The following TMEM116 variants were observed in gnomAD, a reference collection of about 807,000 sequenced individuals.
The protein encoded by TMEM116 is transmembrane protein 116.
TMEM116 carries 38 observed loss-of-function variants against 44.3 expected under a neutral mutation model. That is an observed-to-expected ratio of 0.86 (90% CI 0.66 to 1.12). TMEM116 has a LOEUF of 1.12. Ranked by LOEUF, TMEM116 falls within the 50% of genes most tolerant of loss-of-function variation. The pLI, the probability that TMEM116 is intolerant of heterozygous loss-of-function variation, is 0.00. For synonymous variants in TMEM116, 132 were observed against 144.8 expected, an observed-to-expected ratio of 0.91 and a Z score of 0.64; for missense variants, 354 against 401.7, an observed-to-expected ratio of 0.88 and a Z score of 1.01.
chr12:111,950,598 A>G (rs1035734035), intron 4 of TMEM116, among the ~76,000 whole-genome samples: 1 of 152,200 alleles, frequency 6.6e-6, no homozygotes, highest in African/African-American at 2.4e-5. Context: ...TCCCTATTCA[A>G]TAAATGGTGC....
intron 3 of TMEM116, among the ~76,000 whole-genome samples, chr12:111,994,693 A>G (rs1376018991): frequency 1.3e-5 from 2 of 152,196 alleles, no homozygotes; most frequent in Non-Finnish European, 2.9e-5. Flanking sequence ...TAAAACAGAA[A>G]CACAGTCTAT....
intron 4 of TMEM116, among the ~76,000 whole-genome samples, chr12:111,958,335 C>T (rs371178858): frequency 1.4e-5 from 2 of 143,236 alleles, no homozygotes; most frequent in Admixed American, 1.4e-4. Context: ...AGACCCCATC[C>T]GAAGGTCACC....
In TMEM116 at chr12:111,931,490, G is replaced by A. The variant is rs1565856564; in HGVS notation, c.*131C>T. The A allele has an allele frequency of 1.3e-6, 1 of 787,754 alleles. No individual in the cohort carries two copies. The allele number at this position is 787,754 out of a possible 1,614,324, so 48.8% of individuals were successfully genotyped here. A position where few individuals can be genotyped will look rare whatever the true frequency, so the allele number is the denominator to read the frequency against. Reference sequence around the variant, plus strand: ...TCATCTAGAATGACTACTAACAATGGCACTATATTTCCTTTGAGTTCTGCA... The same window carrying A: ...TCATCTAGAATGACTACTAACAATGACACTATATTTCCTTTGAGTTCTGCA... On this transcript the variant is annotated 3_prime_UTR_variant, in exon 11 of 11. Coordinates refer to ENST00000552374, the MANE Select transcript of TMEM116 (RefSeq NM_001193531.2).
intron 3 of TMEM116, chr12:112,003,583 A>AT: frequency 2.0e-6 from 1 of 501,312 alleles, no homozygotes; most frequent in Non-Finnish European, 3.2e-6. Flanking sequence ...AAAAAAAAAA[A>AT]TAGTTAATCT....
intron 3 of TMEM116, among the ~76,000 whole-genome samples, chr12:111,999,132 T>G (rs2077090828): frequency 6.6e-6 from 1 of 151,488 alleles, no homozygotes; most frequent in African/African-American, 2.4e-5. Context: ...TGCCTGGTAA[T>G]AAAGAAAACC....
intron 4 of TMEM116, among the ~76,000 whole-genome samples, chr12:111,969,884 AT>A (rs1020836452): frequency 2.4e-4 from 37 of 152,074 alleles, no homozygotes; most frequent in African/African-American, 8.9e-4. Context: ...CTGGCCTGAG[AT>A]TTTTTTTAAA....
At position 111,940,538 on chromosome 12, in the gene TMEM116, T is replaced by C. The variant is rs867816702; in HGVS notation, c.316-2328A>G. 9.2e-5 allele frequency among the ~76,000 whole-genome samples: 11 copies of C among 119,694 alleles called. No individual in the cohort carries two copies. In the South Asian group the frequency reaches 2.1e-3, roughly 22 times the overall value. 78.5% of individuals were successfully genotyped at this position (119,694 alleles called of 152,430 possible). ...ATATATATGTGTATATATATATATA[T>C]ATATATACACACACACATATATATG... On this transcript the variant is annotated intron_variant, in intron 5 of 10. Transcript: ENST00000552374.
intron 4 of TMEM116, among the ~76,000 whole-genome samples, chr12:111,976,366 A>T (rs560063311): frequency 6.6e-4 from 100 of 151,782 alleles, no homozygotes; most frequent in Non-Finnish European, 9.6e-4. Context: ...TCCTGGTCAT[A>T]TAAACATAAA....
rs911519021 is a variant in TMEM116 at position 111,943,139 on chromosome 12, G to A, written c.315+126C>T. The A allele has an allele frequency of 1.0e-4, 76 of 742,304 alleles. 1 individual carries two copies. Among genetic ancestry groups the A allele is most frequent in the Non-Finnish European group, 1.4e-5 (6 of 430,310 alleles). The allele number at this position is 742,304 out of a possible 1,614,324, so 46.0% of individuals were successfully genotyped here. On this transcript the variant is annotated intron_variant, in intron 5 of 10. Coordinates refer to ENST00000552374, the MANE Select transcript of TMEM116 (RefSeq NM_001193531.2). The stretch of plus-strand genomic sequence containing the variant: ...GGGCTTTCACCACTTGCCCAGACTG[G>A]CCTCGAATTCCTGGGCATAAGCAAT...
At chr12:111,980,402 CA>C (rs2075874686) in intron 4 of TMEM116, among the ~76,000 whole-genome samples, 1 of 151,624 alleles carries the variant, frequency 6.6e-6, no homozygotes, top group South Asian at 2.1e-4. Context: ...AATGAGTTGC[CA>C]AGGAAAGGAA....
At chr12:111,946,742 C>T (rs1481190493) in intron 4 of TMEM116, among the ~76,000 whole-genome samples, 1 of 152,206 alleles carries the variant, frequency 6.6e-6, no homozygotes, top group African/African-American at 2.4e-5. Flanking sequence ...TCCTATAAAA[C>T]TGTGTACACT....
At chr12:111,983,373 C>CGGAG (rs2076054328) in intron 4 of TMEM116, among the ~76,000 whole-genome samples, 1 of 151,476 alleles carries the variant, frequency 6.6e-6, no homozygotes, top group Non-Finnish European at 1.5e-5. Context: ...GAGGCGGAGG[C>CGGAG]GGAGGTTGCA....
chr12:111,950,469 T>TAAA (rs34167575), intron 4 of TMEM116, among the ~76,000 whole-genome samples: 1 of 124,606 alleles, frequency 8.0e-6, no homozygotes, highest in Admixed American at 8.3e-5. Flanking sequence ...GATCTGATCT[T>TAAA]AAAAAAAAAA....
chr12:111,952,822 C>T (rs2073830279), intron 4 of TMEM116, among the ~76,000 whole-genome samples: 1 of 152,176 alleles, frequency 6.6e-6, no homozygotes, highest in Non-Finnish European at 1.5e-5. Flanking sequence ...TATTGTGGGA[C>T]TTTGTGATCA....
chr12:111,998,520 A>C (rs1960303307), intron 3 of TMEM116, among the ~76,000 whole-genome samples: 2 of 152,226 alleles, frequency 1.3e-5, no homozygotes, highest in Admixed American at 6.5e-5. Flanking sequence ...CATTAATTCA[A>C]GAAATAGCCC....
At chr12:111,957,051 C>A (rs2074164175) in intron 4 of TMEM116, among the ~76,000 whole-genome samples, 1 of 151,872 alleles carries the variant, frequency 6.6e-6, no homozygotes, top group Non-Finnish European at 1.5e-5. Context: ...GGCCACCACC[C>A]CGTCTAGGAA....
rs528105137 is a variant in TMEM116 at position 111,964,042 on chromosome 12, G to GT, written c.211-20674dup. Among the ~76,000 whole-genome samples the GT allele has an allele frequency of 3.2e-4, 45 of 140,830 alleles. 1 individual carries two copies. The highest frequency in any genetic ancestry group is 5.0e-4 in the Admixed American group (7 of 13,862). 92.4% of individuals were successfully genotyped at this position (140,830 alleles called of 152,430 possible). A position where few individuals can be genotyped will look rare whatever the true frequency, so the allele number is the denominator to read the frequency against. On this transcript the variant is annotated intron_variant, in intron 4 of 10. Transcript: ENST00000552374. ...ACTCGGCAACATTAAAACAACTCCCGTTTTTTTTTTCTTTTTAGTTTTTCT... is the reference window on the plus strand; with the variant it reads ...ACTCGGCAACATTAAAACAACTCCCGTTTTTTTTTTTCTTTTTAGTTTTTCT...
At chr12:111,987,354 A>G (rs1043711523) in intron 4 of TMEM116, among the ~76,000 whole-genome samples, 1 of 152,014 alleles carries the variant, frequency 6.6e-6, no homozygotes, top group Non-Finnish European at 1.5e-5. Context: ...AAACTACAAA[A>G]ATTAGCCAGG....
Position 111,991,812 on chromosome 12 carries a change from TC to T in TMEM116, c.155del (p.Gly52GlufsTer4), listed in dbSNP as rs1459802746. 2.4e-5 allele frequency: 37 copies of T among 1,535,816 alleles called. No individual in the cohort carries two copies. The highest frequency in any genetic ancestry group is 2.5e-5 in the Non-Finnish European group (29 of 1,146,698). ...TGATGTCCTTATTTGCTACTGAAGCTCCATAGAGAAGTGTCTCCGTGAGCCA... is the reference window on the plus strand; with the variant it reads ...TGATGTCCTTATTTGCTACTGAAGCTCATAGAGAAGTGTCTCCGTGAGCCA... ...LCWLTETLLY[G>X]ASVANKDIIC... On this transcript the variant is annotated frameshift_variant, in exon 4 of 11. Transcript: ENST00000552374. LOFTEE classifies it high-confidence loss of function.
Sources: gnomAD v4.1 joint callset for allele counts (sites outside exome capture counted in the v4.1 genomes callset) on GRCh38, gnomAD v4.1.1 for gene constraint, MANE v1.5 for transcripts, NCBI Gene and HGNC (gene_info 2026-07-23, HGNC 2026-07-21) for gene names.